Variants in ASB11 observed in about 807,000 individuals in gnomAD.
The protein encoded by ASB11 is ankyrin repeat and SOCS box containing 11, also known as ankyrin repeat and SOCS box protein 11.
ASB11 carries 17 observed loss-of-function variants against 20.1 expected under a neutral mutation model. That is an observed-to-expected ratio of 0.85 (90% confidence interval 0.58 to 1.27). The LOEUF (loss-of-function observed/expected upper bound fraction) is 1.27. ASB11 is among the 50% of genes most tolerant of loss of function. The pLI, the probability that ASB11 is intolerant of heterozygous loss-of-function variation, is 0.00. For synonymous variants in ASB11, 107 were observed against 105.6 expected (o/e 1.01, Z -0.08); for missense variants, 259 against 256.9 (o/e 1.01, Z -0.06).
At chrX:15,297,907 C>G (rs1329463613) in intron 2 of ASB11, among the ~76,000 whole-genome samples, 1 of 112,317 alleles carries the variant, frequency 8.9e-6, no homozygotes, top group African/African-American at 3.2e-5. Context: ...GACATTTTCA[C>G]AGTCTGTGGG....
intron 2 of ASB11, among the ~76,000 whole-genome samples, chrX:15,299,090 C>T (rs1274277538): frequency 8.9e-6 from 1 of 112,107 alleles, no homozygotes; most frequent in African/African-American, 3.2e-5. Context: ...CAACTTGGCT[C>T]TTACCATTTC....
chrX:15,302,193 G>A (rs1417648291), intron 2 of ASB11, among the ~76,000 whole-genome samples: 2 of 111,552 alleles, frequency 1.8e-5, no homozygotes, highest in African/African-American at 3.3e-5. Flanking sequence ...TTTGAAAGCA[G>A]ATCCTGCCCG....
At chrX:15,308,481 C>CTTG (rs1370975691) in intron 1 of ASB11, among the ~76,000 whole-genome samples, 25 of 111,877 alleles carry the variant, frequency 2.2e-4, no homozygotes, top group African/African-American at 7.2e-4. Flanking sequence ...TCTCTCTAAG[C>CTTG]AGATTTCCAA....
At chrX:15,285,325 G>C (rs1484990522) in intron 6 of ASB11, among the ~76,000 whole-genome samples, 1 of 108,734 alleles carries the variant, frequency 9.2e-6, no homozygotes, top group Non-Finnish European at 1.9e-5. Flanking sequence ...ATTTTTAGTA[G>C]AGACGGGGTT....
chrX:15,290,588 C>T (rs180749943), intron 4 of ASB11, among the ~76,000 whole-genome samples: 2 of 112,187 alleles, frequency 1.8e-5, no homozygotes, highest in Middle Eastern at 4.6e-3. Flanking sequence ...GATAAATTTG[C>T]AACCTGTGAA....
At chrX:15,298,259 G>A (rs943143531) in intron 2 of ASB11, among the ~76,000 whole-genome samples, 1 of 111,825 alleles carries the variant, frequency 8.9e-6, no homozygotes, top group African/African-American at 3.3e-5. Context: ...AGCATAAAAT[G>A]TTTCAAGCTG....
Position 15,312,507 on chromosome X carries a change from C to CAA in ASB11, c.181+2916_181+2917dup, listed in dbSNP as rs66828848. Among the ~76,000 whole-genome samples the CAA allele has an allele frequency of 1.3e-4, 8 of 61,807 alleles. 1 individual carries two copies. The highest frequency in any genetic ancestry group is 2.4e-4 in the Non-Finnish European group (8 of 33,152). The allele number at this position is 61,807 out of a possible 115,157, so 53.7% of individuals were successfully genotyped here. A position where few individuals can be genotyped will look rare whatever the true frequency, so the allele number is the denominator to read the frequency against. On this transcript the variant is annotated intron_variant, in intron 1 of 6. Coordinates refer to ENST00000480796, the MANE Select transcript of ASB11 (RefSeq NM_080873.3). ...GGCATGTGGTGTTAAATGCAGCTTC[C>CAA]AAAAAAAAAAAAAAAAAAGAGTGCT...
chrX:15,307,784 T>C (rs1357031895), intron 1 of ASB11, among the ~76,000 whole-genome samples: 1 of 112,352 alleles, frequency 8.9e-6, no homozygotes, highest in Non-Finnish European at 1.9e-5. Flanking sequence ...AATTTCTTGC[T>C]CTTAGGTGCT....
chrX:15,312,507 CAAAAAAAA>C (rs66828848), intron 1 of ASB11, among the ~76,000 whole-genome samples: 1 of 61,850 alleles, frequency 1.6e-5, no homozygotes, highest in East Asian at 4.9e-4. Context: ...ATGCAGCTTC[CAAAAAAAA>C]AAAAAAAAAA....
chrX:15,287,358 G>T (rs953260964), intron 6 of ASB11, among the ~76,000 whole-genome samples: 1 of 112,842 alleles, frequency 8.9e-6, no homozygotes, highest in Non-Finnish European at 1.9e-5. Context: ...ACGGAGTCTC[G>T]CTCTGTCACC....
At chrX:15,286,570 C>G (rs1425782857) in intron 6 of ASB11, among the ~76,000 whole-genome samples, 1 of 104,152 alleles carries the variant, frequency 9.6e-6, no homozygotes, top group Non-Finnish European at 1.9e-5. Context: ...GAGGCTGAGG[C>G]AGAAAAATCG....
At chrX:15,289,668 G>A (rs1927481723) in intron 4 of ASB11, 30 bp from the exon 5 acceptor site, 5 of 1,185,556 alleles carry the variant, frequency 4.2e-6, no homozygotes, top group Non-Finnish European at 5.7e-6. Flanking sequence ...CCTCACTCAA[G>A]TAAGGGACAT....
chrX:15,283,989 A>C (rs931382884), intron 6 of ASB11, among the ~76,000 whole-genome samples: 6 of 111,130 alleles, frequency 5.4e-5, no homozygotes, highest in Non-Finnish European at 1.1e-4. Context: ...ACGGTGGCTC[A>C]CGCCTGTAAT....
At chrX:15,302,594 A>C (rs778159255) in intron 2 of ASB11, 134 bp downstream of exon 2, 5 of 547,428 alleles carry the variant, frequency 9.1e-6, no homozygotes, top group Non-Finnish European at 1.5e-5. Context: ...GAGGTATGAG[A>C]GGACATACGT....
chrX:15,312,105 A>G (rs549569513), intron 1 of ASB11, among the ~76,000 whole-genome samples: 7 of 111,326 alleles, frequency 6.3e-5, no homozygotes, highest in African/African-American at 2.3e-4. Flanking sequence ...TTGAAAAATC[A>G]TACAATACAT....
chrX:15,283,897 A>T (rs1002755465), intron 6 of ASB11, among the ~76,000 whole-genome samples: 5 of 111,689 alleles, frequency 4.5e-5, no homozygotes, highest in Non-Finnish European at 7.5e-5. Context: ...GAGGCAAGTT[A>T]GGAATGAGGT....
At chrX:15,307,623 G>A (rs1921287155) in intron 1 of ASB11, among the ~76,000 whole-genome samples, 1 of 111,981 alleles carries the variant, frequency 8.9e-6, no homozygotes, top group Non-Finnish European at 1.9e-5. Context: ...CCATGGACTG[G>A]TACTGGTCTG....
chrX:15,290,037 A>T (rs35650807), intron 4 of ASB11: 3,616 of 120,806 alleles, frequency 0.03, 142 homozygotes, highest in African/African-American at 0.11. Flanking sequence ...ATAAATAAAT[A>T]AATAAATTAA....
chrX:15,285,177 G>C (rs1158985829), intron 6 of ASB11, among the ~76,000 whole-genome samples: 1 of 95,001 alleles, frequency 1.1e-5, no homozygotes, highest in African/African-American at 4.1e-5. Flanking sequence ...AATCTCACTC[G>C]GTCGCCCAGG....
Sources: gnomAD v4.1 joint callset for allele counts (sites outside exome capture counted in the v4.1 genomes callset) on GRCh38, gnomAD v4.1.1 for gene constraint, MANE v1.5 for transcripts, NCBI Gene and HGNC (gene_info 2026-07-23, HGNC 2026-07-21) for gene names.